CUTC: variants seen among roughly 807,000 people sequenced by gnomAD.
The protein encoded by CUTC is cutC copper transporter, also known as copper homeostasis protein cutC homolog.
CUTC carries 27 observed loss-of-function variants against 36.2 expected under a neutral mutation model. That is an observed-to-expected ratio of 0.75 (90% CI 0.55 to 1.03). The LOEUF (loss-of-function observed/expected upper bound fraction) is 1.03, where lower values mean the gene tolerates loss of function less well. CUTC is among the 50% of genes least tolerant of loss of function. CUTC has a pLI of 0.00. For synonymous variants in CUTC, 114 were observed against 118.3 expected (o/e 0.96, Z 0.24); for missense variants, 315 against 343.5 (o/e 0.92, Z 0.66).
intron 2 of CUTC, among the ~76,000 whole-genome samples, chr10:99,736,762 G>A (rs1481088882): frequency 6.6e-6 from 1 of 151,874 alleles, no homozygotes; most frequent in Non-Finnish European, 1.5e-5. Flanking sequence ...ATTTTATTAT[G>A]GAAAAATAAA....
At chr10:99,741,759 A>T (rs145089238) in intron 3 of CUTC, among the ~76,000 whole-genome samples, 3 of 152,206 alleles carry the variant, frequency 2.0e-5, no homozygotes, top group Admixed American at 6.5e-5. Context: ...TTTGGTAGAG[A>T]TGGAGTCTCA....
chr10:99,736,308 G>T lies in CUTC; in HGVS notation c.124G>T (p.Glu42Ter). ...TTCAGTGGAATCAGCTGTGAATGCAGAAAGAGGAGGTAAGAGAAATCAGAT... is the reference window on the plus strand; with the variant it reads ...TTCAGTGGAATCAGCTGTGAATGCATAAAGAGGAGGTAAGAGAAATCAGAT... ...VDSVESAVNA[E>*]RGGADRIELC... Residue 42 changes from glutamate to a stop codon, truncating the protein, a stop_gained, in exon 2 of 9, where the codon GAA (glutamate) becomes TAA (stop). Coordinates refer to ENST00000370476, the MANE Select transcript of CUTC (RefSeq NM_015960.3). LOFTEE classifies it high-confidence loss of function. 6.8e-6 allele frequency: 11 copies of T among 1,612,894 alleles called. No homozygotes were observed. The highest frequency in any genetic ancestry group is 9.3e-6 in the Non-Finnish European group (11 of 1,178,974).
chr10:99,745,283 C>G (rs1174243738), intron 5 of CUTC, among the ~76,000 whole-genome samples: 2 of 152,120 alleles, frequency 1.3e-5, no homozygotes, highest in African/African-American at 4.8e-5. Context: ...ACATTTTTCT[C>G]ACTAATGTAT....
intron 5 of CUTC, among the ~76,000 whole-genome samples, 164 bp from the exon 6 acceptor site, chr10:99,747,093 A>G (rs867118545): frequency 5.3e-5 from 8 of 152,212 alleles, no homozygotes; most frequent in Admixed American, 2.0e-4. Context: ...TCAGGCTGCC[A>G]GTGGATTAAC....
intron 1 of CUTC, among the ~76,000 whole-genome samples, chr10:99,733,415 T>G (rs1211780421): frequency 6.6e-6 from 1 of 152,148 alleles, no homozygotes; most frequent in Non-Finnish European, 1.5e-5. Context: ...AAAGAAATAT[T>G]CCTAAACAAC....
intron 1 of CUTC, among the ~76,000 whole-genome samples, chr10:99,733,419 A>AAAC (rs1278565471): frequency 3.2e-4 from 48 of 152,234 alleles, no homozygotes; most frequent in African/African-American, 1.2e-3. Context: ...AAATATTCCT[A>AAAC]AACAACAACA....
intron 1 of CUTC, among the ~76,000 whole-genome samples, chr10:99,733,438 AGC>A (rs1047174461): frequency 7.2e-5 from 11 of 152,124 alleles, no homozygotes; most frequent in African/African-American, 1.7e-4. Flanking sequence ...CAACAAAAAA[AGC>A]AAAAGAGTGG....
chr10:99,754,729 A>G, intron 8 of CUTC, 95 bp downstream of exon 8: 4 of 816,692 alleles, frequency 4.9e-6, no homozygotes, highest in Non-Finnish European at 8.3e-6. Context: ...TGATTAATCA[A>G]TGGAATATTG....
chr10:99,738,509 C>CT (rs1450040169), intron 2 of CUTC, among the ~76,000 whole-genome samples: 2 of 151,272 alleles, frequency 1.3e-5, no homozygotes, highest in African/African-American at 4.9e-5. Context: ...GTTTCTCCTG[C>CT]TTTTTTCTTT....
At chr10:99,734,835 G>C (rs1309267227) in intron 1 of CUTC, among the ~76,000 whole-genome samples, 1 of 152,158 alleles carries the variant, frequency 6.6e-6, no homozygotes, top group African/African-American at 2.4e-5. Context: ...AGACGTGGTG[G>C]CTCATGCCTA....
intron 8 of CUTC, among the ~76,000 whole-genome samples, chr10:99,754,999 ATT>A (rs1335726061): frequency 2.0e-5 from 3 of 148,192 alleles, no homozygotes; most frequent in Admixed American, 6.8e-5. Context: ...AGAGTCAGTC[ATT>A]TTTCTCCCTC....
Position 99,732,293 on chromosome 10 carries a change from C to G in CUTC, c.-56C>G. On this transcript the variant is annotated 5_prime_UTR_variant, in exon 1 of 9. Transcript: ENST00000370476. ...GACGCGCTTCTTAGCTGGTGCGCGC[C>G]GGAGCCCAAATTCCAAGTGGAAACT... 6.5e-7 allele frequency: 1 copy of G among 1,548,130 alleles called. No homozygotes were observed. The highest frequency in any genetic ancestry group is 8.7e-7 in the Non-Finnish European group (1 of 1,145,614).
intron 2 of CUTC, 61 bp from the exon 3 acceptor site, chr10:99,739,649 G>T: frequency 7.2e-7 from 1 of 1,396,944 alleles, no homozygotes. Flanking sequence ...ATATAAACAG[G>T]TTGCTGTTTA....
intron 2 of CUTC, 113 bp downstream of exon 2, chr10:99,736,430 C>G: frequency 1.4e-6 from 1 of 724,016 alleles, no homozygotes; most frequent in East Asian, 2.8e-5. Context: ...CCTCATAATG[C>G]TTTCAGAAAC....
chr10:99,739,858 A>C, intron 3 of CUTC, 89 bp downstream of exon 3: 2 of 950,720 alleles, frequency 2.1e-6, no homozygotes, highest in Non-Finnish European at 3.3e-6. Flanking sequence ...TCCTTTACTA[A>C]TGTCATGTTA....
At chr10:99,753,941 ATTCT>A (rs1387201852) in intron 7 of CUTC, among the ~76,000 whole-genome samples, 1 of 152,242 alleles carries the variant, frequency 6.6e-6, no homozygotes, top group Non-Finnish European at 1.5e-5. Flanking sequence ...TCAGAATATG[ATTCT>A]TTATATATAA....
chr10:99,744,148 A>G, intron 5 of CUTC, 76 bp downstream of exon 5: 1 of 1,175,772 alleles, frequency 8.5e-7, no homozygotes, highest in Non-Finnish European at 1.3e-6. Context: ...CCACCTTTTT[A>G]TGGAACACAA....
chr10:99,736,098 T>C (rs1359869904), intron 1 of CUTC, 148 bp from the exon 2 acceptor site: 3 of 608,242 alleles, frequency 4.9e-6, no homozygotes, highest in African/African-American at 3.7e-5. Flanking sequence ...TAATGTGATA[T>C]TTTATTGCAT....
In CUTC at chr10:99,736,163, C is replaced by A. The variant is rs1205666113; in HGVS notation, c.62-83C>A. On this transcript the variant is annotated intron_variant, in intron 1 of 8. Coordinates refer to ENST00000370476, the MANE Select transcript of CUTC (RefSeq NM_015960.3). The stretch of plus-strand genomic sequence containing the variant: ...CTGTTATTGGACATTTGCATTTTGG[C>A]AGCAGAATGTAAACCCTTTGTGGTA... 2.1e-5 allele frequency: 23 copies of A among 1,079,766 alleles called. No homozygotes were observed. The Middle Eastern group carries it at 3.0e-3, about 143-fold the overall frequency. 66.9% of individuals were successfully genotyped at this position (1,079,766 alleles called of 1,614,324 possible).
Sources: gnomAD v4.1 joint callset for allele counts (sites outside exome capture counted in the v4.1 genomes callset) on GRCh38, gnomAD v4.1.1 for gene constraint, MANE v1.5 for transcripts, NCBI Gene and HGNC (gene_info 2026-07-23, HGNC 2026-07-21) for gene names.